The following KRABD5 variants were observed in gnomAD, a reference collection of about 807,000 sequenced individuals.
KRABD5 encodes KRAB domain containing 5.
chr16:31,725,466 A>G, the KRABD5 span, among the ~76,000 whole-genome samples: 2 of 152,208 alleles, frequency 1.3e-5, no homozygotes, highest in Non-Finnish European at 2.9e-5. Context: ...TGAGGTTCAT[A>G]TGGTACTTCT....
At chr16:31,755,405 G>C in the KRABD5 span, 6 of 496,024 alleles carry the variant, frequency 1.2e-5, no homozygotes, top group Non-Finnish European at 2.5e-5. Flanking sequence ...ATGTGGCAAA[G>C]CCTTTAACTG....
At chr16:31,727,115 T>A in the KRABD5 span, among the ~76,000 whole-genome samples, 2 of 152,218 alleles carry the variant, frequency 1.3e-5, no homozygotes, top group Non-Finnish European at 2.9e-5. Context: ...TGCAACTAAT[T>A]TTTGTATGGT....
the KRABD5 span, among the ~76,000 whole-genome samples, chr16:31,741,450 A>C: frequency 1.3e-5 from 2 of 152,154 alleles, no homozygotes; most frequent in African/African-American, 4.8e-5. Context: ...TATTATCTTT[A>C]CTGCTGGCAC....
At chr16:31,714,737 G>A in the KRABD5 span, among the ~76,000 whole-genome samples, 1 of 152,194 alleles carries the variant, frequency 6.6e-6, no homozygotes, top group Non-Finnish European at 1.5e-5. Context: ...CAGCCATGGA[G>A]GGAGCCCTTT....
At chr16:31,718,492 T>TTTATAAA in the KRABD5 span, among the ~76,000 whole-genome samples, 1 of 152,162 alleles carries the variant, frequency 6.6e-6, no homozygotes, top group Non-Finnish European at 1.5e-5. Flanking sequence ...TGCAGTTCTG[T>TTTATAAA]GAGGGCCTTC....
chr16:31,714,560 G>T, the KRABD5 span: 1 of 373,778 alleles, frequency 2.7e-6, no homozygotes, highest in South Asian at 2.0e-5. Context: ...ACCCCACCTC[G>T]ATGGACCTGA....
chr16:31,719,982 A>G, the KRABD5 span, among the ~76,000 whole-genome samples: 1 of 152,194 alleles, frequency 6.6e-6, no homozygotes, highest in Non-Finnish European at 1.5e-5. Flanking sequence ...AGTGACAGGG[A>G]AACAGAAGAA....
the KRABD5 span, chr16:31,722,883 A>AG: frequency 8.9e-7 from 1 of 1,125,696 alleles, no homozygotes; most frequent in Admixed American, 3.5e-5. Context: ...CAGGAAAAAA[A>AG]AATTGTGGGT....
At chr16:31,713,623 C>T in the KRABD5 span, 2 of 785,936 alleles carry the variant, frequency 2.5e-6, no homozygotes, top group Non-Finnish European at 3.9e-6. Flanking sequence ...CGGTCCCCTC[C>T]CGACCCCGCA....
the KRABD5 span, among the ~76,000 whole-genome samples, chr16:31,733,942 T>C: frequency 1.3e-5 from 2 of 152,224 alleles, no homozygotes; most frequent in Non-Finnish European, 2.9e-5. Flanking sequence ...TGTATGTTCT[T>C]GCTTTTTGTT....
the KRABD5 span, among the ~76,000 whole-genome samples, chr16:31,740,204 A>G: frequency 4.6e-5 from 7 of 152,084 alleles, no homozygotes; most frequent in East Asian, 1.9e-4. Context: ...GGTCTCCACG[A>G]CCGAGCTGGT....
At chr16:31,753,662 C>T in the KRABD5 span, 1 of 1,105,556 alleles carries the variant, frequency 9.0e-7, no homozygotes, top group Non-Finnish European at 1.2e-6. Context: ...TTTGATTCAA[C>T]TATCATGGTG....
the KRABD5 span, among the ~76,000 whole-genome samples, chr16:31,746,207 A>G: frequency 6.6e-6 from 1 of 152,100 alleles, no homozygotes; most frequent in Non-Finnish European, 1.5e-5. Flanking sequence ...GTTTCTTCAC[A>G]GTGTCATTAG....
chr16:31,723,142 T>G, the KRABD5 span: 4 of 1,124,048 alleles, frequency 3.6e-6, no homozygotes, highest in South Asian at 6.0e-5. Flanking sequence ...GAAACAGTAT[T>G]TGGGGAAGTA....
At chr16:31,715,196 G>T in the KRABD5 span, among the ~76,000 whole-genome samples, 1 of 152,130 alleles carries the variant, frequency 6.6e-6, no homozygotes, top group Admixed American at 6.5e-5. Context: ...GAGAAGGGGA[G>T]AAATTTAAGC....
the KRABD5 span, chr16:31,759,263 C>G: frequency 7.5e-6 from 10 of 1,330,468 alleles, no homozygotes; most frequent in Non-Finnish European, 1.0e-5. Context: ...TATGAAAAAC[C>G]AAGCACACAT....
At chr16:31,734,788 C>G in the KRABD5 span, among the ~76,000 whole-genome samples, 2 of 151,398 alleles carry the variant, frequency 1.3e-5, no homozygotes, top group Non-Finnish European at 2.9e-5. Context: ...GCTCTGTTGC[C>G]CAGGCTGGAG....
At chr16:31,747,424 A>C in the KRABD5 span, among the ~76,000 whole-genome samples, 11 of 152,244 alleles carry the variant, frequency 7.2e-5, no homozygotes, top group East Asian at 1.5e-3. Context: ...AGTCTTTGCT[A>C]TTGTGAATGC....
the KRABD5 span, among the ~76,000 whole-genome samples, chr16:31,744,065 GCAAA>G: frequency 6.6e-6 from 1 of 152,104 alleles, no homozygotes; most frequent in Non-Finnish European, 1.5e-5. Context: ...TATGTCATCT[GCAAA>G]CAGAGACAAA....
Sources: allele counts gnomAD v4.1 joint callset (sites outside exome capture counted in the v4.1 genomes callset), GRCh38; gene constraint gnomAD v4.1.1; transcripts MANE v1.5; gene names NCBI Gene and HGNC (gene_info 2026-07-23, HGNC 2026-07-21).